ATP9A: variants seen among roughly 807,000 people sequenced by gnomAD.
ATP9A encodes the protein ATPase phospholipid transporting 9A, also known as probable phospholipid-transporting ATPase IIA.
A neutral mutation model predicts 144.1 loss-of-function variants in ATP9A; 52 were observed. That is an observed-to-expected ratio of 0.36 (90% CI 0.29 to 0.45). The LOEUF (loss-of-function observed/expected upper bound fraction) is 0.45, where lower values mean the gene tolerates loss of function less well. Ranked by LOEUF, ATP9A falls within the 20% of genes least tolerant of loss-of-function variation. The pLI, the probability that ATP9A is intolerant of heterozygous loss-of-function variation, is 1.00. For missense variants in ATP9A, 947 were observed against 1,392.7 expected (o/e 0.68, Z 5.09); for synonymous variants, 582 against 557.4 (o/e 1.04, Z -0.62).
chr20:51,694,837 G>A (rs2077563785), intron 6 of ATP9A, among the ~76,000 whole-genome samples: 1 of 152,120 alleles, frequency 6.6e-6, no homozygotes, highest in Non-Finnish European at 1.5e-5. Context: ...AACTATTAAT[G>A]TAGAACACTC....
intron 14 of ATP9A, among the ~76,000 whole-genome samples, chr20:51,644,613 C>T (rs545594974): frequency 5.9e-5 from 9 of 152,202 alleles, no homozygotes; most frequent in East Asian, 5.8e-4. Context: ...AACGTGTATA[C>T]GCATTTCTTT....
chr20:51,684,643 C>T (rs2077514408), intron 9 of ATP9A, among the ~76,000 whole-genome samples: 1 of 145,870 alleles, frequency 6.9e-6, no homozygotes, highest in Non-Finnish European at 1.5e-5. Flanking sequence ...TTGCAGTGAG[C>T]CGAGATCGCA....
At chr20:51,708,818 G>GTAAC (rs1418203771) in intron 4 of ATP9A, among the ~76,000 whole-genome samples, 5 of 152,184 alleles carry the variant, frequency 3.3e-5, no homozygotes, top group African/African-American at 4.8e-5. Flanking sequence ...AGGATACAAA[G>GTAAC]TAACTGCCTT....
chr20:51,738,280 C>T (rs550795518), intron 1 of ATP9A, among the ~76,000 whole-genome samples: 4 of 152,184 alleles, frequency 2.6e-5, no homozygotes, highest in South Asian at 2.1e-4. Flanking sequence ...TCCACCCACC[C>T]GTGACCTCCC....
chr20:51,712,623 C>T (rs867576746), intron 4 of ATP9A, among the ~76,000 whole-genome samples: 31 of 152,332 alleles, frequency 2.0e-4, no homozygotes, highest in African/African-American at 7.0e-4. Flanking sequence ...CTCATTTGAA[C>T]AGCAGAGGCG....
chr20:51,626,528 G>A (rs772594090), intron 17 of ATP9A, among the ~76,000 whole-genome samples: 16 of 150,662 alleles, frequency 1.1e-4, no homozygotes, highest in African/African-American at 3.2e-4. Context: ...TTAGGGAGCC[G>A]AACCAGATGC....
chr20:51,622,816 T>A (rs1473406237), intron 18 of ATP9A, among the ~76,000 whole-genome samples: 2 of 152,138 alleles, frequency 1.3e-5, no homozygotes, highest in Non-Finnish European at 2.9e-5. Flanking sequence ...GCTCTGTGAT[T>A]TTACCTCATT....
intron 1 of ATP9A, among the ~76,000 whole-genome samples, chr20:51,756,170 G>A (rs989334955): frequency 3.9e-5 from 6 of 151,998 alleles, no homozygotes; most frequent in African/African-American, 1.4e-4. Context: ...AGAAATCCAA[G>A]AACAAGGTGT....
chr20:51,742,615 A>G (rs2077789974), intron 1 of ATP9A, among the ~76,000 whole-genome samples: 1 of 152,070 alleles, frequency 6.6e-6, no homozygotes, highest in South Asian at 2.1e-4. Context: ...CCTGGGTTCA[A>G]GCAATTCTTG....
At chr20:51,618,051 T>A in intron 21 of ATP9A, among the ~76,000 whole-genome samples, 1 of 151,648 alleles carries the variant, frequency 6.6e-6, no homozygotes, top group Non-Finnish European at 1.5e-5. Context: ...GAAACCCCGT[T>A]TCTACTAAAA....
At chr20:51,744,300 GGAC>G (rs2077798197) in intron 1 of ATP9A, among the ~76,000 whole-genome samples, 1 of 151,972 alleles carries the variant, frequency 6.6e-6, no homozygotes, top group African/African-American at 2.4e-5. Flanking sequence ...TGAGTAGCTG[GGAC>G]TACAGGCCTG....
In ATP9A at chr20:51,601,199, C is replaced by A; in HGVS notation, c.*12G>T. The A allele has an allele frequency of 1.3e-6, 2 of 1,589,820 alleles. No homozygotes were observed. The highest frequency in any genetic ancestry group is 1.7e-6 in the Non-Finnish European group (2 of 1,167,836). On this transcript the variant is annotated 3_prime_UTR_variant, in exon 28 of 28. Coordinates refer to ENST00000338821, the MANE Select transcript of ATP9A (RefSeq NM_006045.3). ...GCGCCAAGACCAGGGCCCCCTCCAG[C>A]GAACGCACGGCCTATGATGTGAGCT...
chr20:51,631,567 C>T (rs1005558346), intron 15 of ATP9A, among the ~76,000 whole-genome samples: 8 of 152,282 alleles, frequency 5.3e-5, no homozygotes, highest in Admixed American at 3.3e-4. Context: ...CTTCCTCCCA[C>T]GGAGTTCATC....
At chr20:51,710,843 G>A (rs183010011) in intron 4 of ATP9A, among the ~76,000 whole-genome samples, 4 of 152,188 alleles carry the variant, frequency 2.6e-5, no homozygotes, top group Non-Finnish European at 1.5e-5. Flanking sequence ...AATCATTCAC[G>A]GGAAAAGCAA....
At chr20:51,631,603 T>C (rs1422679355) in intron 15 of ATP9A, among the ~76,000 whole-genome samples, 2 of 152,212 alleles carry the variant, frequency 1.3e-5, no homozygotes, top group Non-Finnish European at 2.9e-5. Flanking sequence ...TCCCATATTA[T>C]GGCAAGATTA....
chr20:51,650,539 A>T (rs966319622), intron 14 of ATP9A, among the ~76,000 whole-genome samples: 93 of 151,858 alleles, frequency 6.1e-4, no homozygotes, highest in African/African-American at 2.0e-3. Flanking sequence ...GTCTCAAAAA[A>T]AAAAATAAAA....
chr20:51,702,241 A>T (rs575546795), intron 4 of ATP9A, among the ~76,000 whole-genome samples: 1 of 150,662 alleles, frequency 6.6e-6, no homozygotes, highest in African/African-American at 2.4e-5. Context: ...CGGAGGCTGC[A>T]GTGAGCCAAG....
At chr20:51,682,425 C>A (rs922755428) in intron 9 of ATP9A, among the ~76,000 whole-genome samples, 1 of 151,958 alleles carries the variant, frequency 6.6e-6, no homozygotes, top group African/African-American at 2.4e-5. Context: ...TAGTCATGAA[C>A]TTCCAGCCCT....
chr20:51,753,102 C>CA (rs200895118), intron 1 of ATP9A, among the ~76,000 whole-genome samples: 4,573 of 125,354 alleles, frequency 0.036, 90 homozygotes, highest in East Asian at 0.12. Context: ...GACTCTGTCT[C>CA]AAAAAAAAAA....
Sources: gnomAD v4.1 joint callset for allele counts (sites outside exome capture counted in the v4.1 genomes callset) on GRCh38, gnomAD v4.1.1 for gene constraint, MANE v1.5 for transcripts, NCBI Gene and HGNC (gene_info 2026-07-23, HGNC 2026-07-21) for gene names.